FAAP20: variants seen among roughly 807,000 people sequenced by gnomAD.
FAAP20 encodes the protein FA core complex associated protein 20, also known as Fanconi anemia core complex-associated protein 20.
In FAAP20, 12 loss-of-function variants were observed where a neutral mutation model predicts 16.2. That is an observed-to-expected ratio of 0.74 (90% CI 0.48 to 1.20). The LOEUF (loss-of-function observed/expected upper bound fraction) is 1.20. Among genes scored for constraint, FAAP20 ranks in the 50% most tolerant of loss-of-function variants. FAAP20 has a pLI of 0.00. For missense variants in FAAP20, 288 were observed against 245.8 expected, an observed-to-expected ratio of 1.17 and a Z score of -1.15; for synonymous variants, 141 against 110.7, an observed-to-expected ratio of 1.27 and a Z score of -1.72.
chr1:2,196,076 C>G (rs574775730), upstream of FAAP20, among the ~76,000 whole-genome samples: 2 of 152,200 alleles, frequency 1.3e-5, no homozygotes, highest in Non-Finnish European at 2.9e-5. This position sits in a 1 kb window ranked among gnomAD's most constrained non-coding sequence, Gnocchi z 4.5. Flanking sequence ...CGTGGGGTCT[C>G]TGCAGCCCCA....
At chr1:2,197,973 G>A (rs1688889545), upstream of FAAP20, 2 of 1,276,748 alleles carry the variant, frequency 1.6e-6, no homozygotes, top group African/African-American at 3.0e-5. Context: ...AGACTCTCAA[G>A]ACAAGGAAGC....
intron 3 of FAAP20, chr1:2,190,372 G>C: frequency 2.2e-6 from 1 of 451,710 alleles, no homozygotes. Flanking sequence ...GCGCTGGGAT[G>C]GTGGCCGGCC....
chr1:2,198,239 G>C (rs1249824365), upstream of FAAP20: 1 of 1,174,164 alleles, frequency 8.5e-7, no homozygotes, highest in African/African-American at 1.6e-5. Context: ...GAACGTTTCA[G>C]CTGTGGGAGT....
chr1:2,212,422 A>C (rs1307251328), exon 2 of FAAP20: 1 of 153,474 alleles, frequency 6.5e-6, no homozygotes, highest in Non-Finnish European at 1.4e-5. Flanking sequence ...AGCTGGAGTC[A>C]GGAGAGGCGC....
chr1:2,197,507 C>A (rs1688872676), upstream of FAAP20, among the ~76,000 whole-genome samples: 1 of 152,202 alleles, frequency 6.6e-6, no homozygotes, highest in Non-Finnish European at 1.5e-5. Flanking sequence ...CTGGCTCCAG[C>A]CCGCATCACT....
exon 2 of FAAP20, chr1:2,212,177 G>A (rs1689471184): frequency 6.6e-6 from 1 of 152,492 alleles, no homozygotes; most frequent in Admixed American, 6.5e-5. Context: ...AAAGTGCTGG[G>A]ATTACAGGCG....
chr1:2,199,423 C>T (rs1486915070), upstream of FAAP20: 4 of 1,012,632 alleles, frequency 4.0e-6, no homozygotes, highest in Admixed American at 5.5e-5. The surrounding 1 kb of genome is among the most constrained non-coding windows in gnomAD (Gnocchi z 4.5). Context: ...CCAGCCCAGG[C>T]TTCTCTCTCC....
upstream of FAAP20, chr1:2,203,754 C>T: frequency 1.6e-6 from 1 of 609,368 alleles, no homozygotes; most frequent in Non-Finnish European, 2.1e-6. Flanking sequence ...CACCACACTA[C>T]TTGCCTCCAG....
upstream of FAAP20, chr1:2,198,559 G>T: frequency 2.6e-6 from 2 of 770,196 alleles, no homozygotes; most frequent in Non-Finnish European, 3.6e-6. Context: ...CTGCAAATCA[G>T]GCTAAGACAG....
intron 3 of FAAP20, chr1:2,190,467 C>T (rs1397027533): frequency 2.3e-5 from 10 of 444,306 alleles, no homozygotes; most frequent in East Asian, 1.4e-4. Flanking sequence ...GGTGTCTGAG[C>T]GCAGCCACCT....
Position 2,194,694 on chromosome 1 carries a change from G to T in FAAP20, c.56C>A (p.Ala19Glu), listed in dbSNP as rs1419017919. ...GCCCGGCTCCCGGCCTCACCCGCCC[G>T]CCGGGCGCGGCCTCCGGCGGCTCAA... is the stretch of plus-strand genomic sequence containing the variant. The part of the protein sequence containing the change: ...LGLSRRRPRP[A>E]GGPSGGRPWF... Residue 19 changes from alanine to glutamate, a missense_variant, in exon 1 of 4, where the codon GCG (alanine) becomes GAG (glutamate). By Grantham distance (107) the Ala-to-Glu change is moderately radical (BLOSUM62 -1). Transcript: ENST00000378546. The T allele has an allele frequency of 8.7e-7, 1 of 1,153,564 alleles. No homozygotes were observed. Among genetic ancestry groups the T allele is most frequent in the Non-Finnish European group, 1.1e-6 (1 of 939,688 alleles). The allele number at this position is 1,153,564 out of a possible 1,614,324, so 71.5% of individuals were successfully genotyped here. A position where few individuals can be genotyped will look rare whatever the true frequency, so the allele number is the denominator to read the frequency against.
chr1:2,190,359 C>G (rs913534753), intron 3 of FAAP20: 7 of 454,536 alleles, frequency 1.5e-5, no homozygotes, highest in Non-Finnish European at 2.7e-5. Flanking sequence ...CAGGAGGGCG[C>G]TGGCGCTGGG....
chr1:2,204,421 T>A (rs1689160681), upstream of FAAP20, among the ~76,000 whole-genome samples: 1 of 152,232 alleles, frequency 6.6e-6, no homozygotes, highest in South Asian at 2.1e-4. Context: ...AATAGTGACT[T>A]CCTTTCTCCA....
At chr1:2,197,934 C>G (rs1451505874), upstream of FAAP20, 2 of 1,239,736 alleles carry the variant, frequency 1.6e-6, no homozygotes, top group African/African-American at 3.1e-5. Flanking sequence ...GCCTGCCAGC[C>G]GAGGGCCTGG....
At chr1:2,191,981 G>T in intron 3 of FAAP20, 1 of 985,512 alleles carries the variant, frequency 1.0e-6, no homozygotes, top group Non-Finnish European at 1.2e-6. Context: ...TCCTCTGGGT[G>T]ACCCGGAGAA....
upstream of FAAP20, among the ~76,000 whole-genome samples, chr1:2,204,455 G>A (rs1457074344): frequency 1.3e-5 from 2 of 152,248 alleles, no homozygotes. Context: ...TTTGGCTGAG[G>A]GATTGGGAGG....
chr1:2,188,290 G>C (rs1687791038), downstream of FAAP20, among the ~76,000 whole-genome samples: 1 of 152,172 alleles, frequency 6.6e-6, no homozygotes. Flanking sequence ...GACGGATCTG[G>C]GTGAACCAGA....
chr1:2,201,005 G>A (rs1355614124), upstream of FAAP20: 9 of 1,261,762 alleles, frequency 7.1e-6, no homozygotes. Context: ...GATGTCCTGA[G>A]ATGAGATGCT....
At chr1:2,192,358 G>A (rs1455825896) in intron 3 of FAAP20, 1 of 995,048 alleles carries the variant, frequency 1.0e-6, no homozygotes, top group African/African-American at 1.7e-5. Flanking sequence ...CCAAGGCCTG[G>A]ACCTGACTTC....
Sources: allele counts gnomAD v4.1 joint callset (sites outside exome capture counted in the v4.1 genomes callset), GRCh38; gene constraint gnomAD v4.1.1; non-coding constraint Gnocchi (gnomAD v3.1); transcripts MANE v1.5; gene names NCBI Gene and HGNC (gene_info 2026-07-23, HGNC 2026-07-21).